RASSF3: variants seen among roughly 807,000 people sequenced by gnomAD.
RASSF3 encodes Ras association domain family member 3.
A neutral mutation model predicts 19.9 loss-of-function variants in RASSF3; 19 were observed. That is an observed-to-expected ratio of 0.96 (90% CI 0.67 to 1.40). The LOEUF (loss-of-function observed/expected upper bound fraction) is 1.40. Ranked by LOEUF, RASSF3 falls within the 40% of genes most tolerant of loss-of-function variation. The pLI is 0.00. For synonymous variants in RASSF3, 110 were observed against 104.2 expected (o/e 1.06, Z -0.34); for missense variants, 306 against 289.8 (o/e 1.06, Z -0.41).
intron 1 of RASSF3, among the ~76,000 whole-genome samples, chr12:64,625,490 G>C (rs1046972854): frequency 6.7e-6 from 1 of 149,570 alleles, no homozygotes; most frequent in Non-Finnish European, 1.5e-5. Context: ...ATCTGCCTCT[G>C]ATCACGGGAT....
At chr12:64,615,822 C>T (rs1293598102) in intron 1 of RASSF3, among the ~76,000 whole-genome samples, 1 of 151,856 alleles carries the variant, frequency 6.6e-6, no homozygotes, top group Non-Finnish European at 1.5e-5. Context: ...TACAGGCTCC[C>T]GCCACAGTGC....
intron 2 of RASSF3, among the ~76,000 whole-genome samples, chr12:64,580,836 A>T (rs900124539): frequency 5.3e-5 from 8 of 152,172 alleles, no homozygotes; most frequent in South Asian, 2.1e-4. Flanking sequence ...TCCTATAAGG[A>T]TATCAATTGT....
chr12:64,634,778 A>C (rs972489846), intron 1 of RASSF3, among the ~76,000 whole-genome samples: 4 of 150,666 alleles, frequency 2.7e-5, no homozygotes, highest in African/African-American at 9.7e-5. Context: ...AAAAAAAAAA[A>C]AAAAAAAAAA....
chr12:64,524,448 C>G (rs1228994377), intron 1 of RASSF3, among the ~76,000 whole-genome samples: 1 of 151,968 alleles, frequency 6.6e-6, no homozygotes, highest in African/African-American at 2.4e-5. Context: ...AGTGGTGTTT[C>G]TAAAGTTCAA....
chr12:64,597,393 AATGTTGGG>A (rs754711862), intron 2 of RASSF3, among the ~76,000 whole-genome samples: 83 of 151,724 alleles, frequency 5.5e-4, no homozygotes, highest in Admixed American at 1.0e-3. Context: ...ACCCTCCCAA[AATGTTGGG>A]ATTACAGGCA....
At chr12:64,666,223 T>G (rs1228706186) in intron 1 of RASSF3, among the ~76,000 whole-genome samples, 2 of 152,216 alleles carry the variant, frequency 1.3e-5, no homozygotes, top group Non-Finnish European at 2.9e-5. Flanking sequence ...AAGTACTAAG[T>G]AAATAAGGTG....
chr12:64,650,996 G>T (rs1056856456), intron 1 of RASSF3, among the ~76,000 whole-genome samples: 1 of 152,134 alleles, frequency 6.6e-6, no homozygotes, highest in Non-Finnish European at 1.5e-5. Flanking sequence ...TTACAGGCTT[G>T]TAAAGTGGTT....
At chr12:64,528,397 C>T (rs565753544), upstream of RASSF3, among the ~76,000 whole-genome samples, 3 of 152,298 alleles carry the variant, frequency 2.0e-5, no homozygotes, top group South Asian at 2.1e-4. Context: ...ACTTCAGTTC[C>T]GGCAACTGAC....
intron 1 of RASSF3, among the ~76,000 whole-genome samples, chr12:64,667,627 C>G (rs1203571164): frequency 6.6e-6 from 1 of 152,224 alleles, no homozygotes; most frequent in African/African-American, 2.4e-5. Flanking sequence ...TCTTTCCCTG[C>G]CTGTGTCCTG....
intron 1 of RASSF3, among the ~76,000 whole-genome samples, chr12:64,522,347 C>G (rs923725292): frequency 2.0e-5 from 3 of 152,116 alleles, no homozygotes; most frequent in African/African-American, 7.2e-5. Context: ...CCAGCTCCTG[C>G]TGGGGGGATG....
chr12:64,581,102 T>A (rs1376410284), intron 2 of RASSF3, among the ~76,000 whole-genome samples: 1 of 149,868 alleles, frequency 6.7e-6, no homozygotes, highest in Non-Finnish European at 1.5e-5. Flanking sequence ...TGTTTAACAT[T>A]ACTGTGGTAA....
chr12:64,672,940 T>C (rs1872747596), intron 1 of RASSF3, among the ~76,000 whole-genome samples: 1 of 152,240 alleles, frequency 6.6e-6, no homozygotes, highest in Non-Finnish European at 1.5e-5. Flanking sequence ...TTCCTGCTGC[T>C]GGTGGAGCCG....
chr12:64,509,861 C>T (rs958051788), intron 1 of RASSF3, among the ~76,000 whole-genome samples: 5 of 151,862 alleles, frequency 3.3e-5, no homozygotes, highest in African/African-American at 1.2e-4. Context: ...CCAAGGCGGG[C>T]GGATCGCTTG....
At chr12:64,613,434 C>G (rs542410326) in intron 1 of RASSF3, among the ~76,000 whole-genome samples, 1 of 150,236 alleles carries the variant, frequency 6.7e-6, no homozygotes, top group South Asian at 2.1e-4. Flanking sequence ...CCGGAGAAAA[C>G]AAGATGTTTG....
chr12:64,531,793 G>T (rs903886138), upstream of RASSF3, among the ~76,000 whole-genome samples: 1 of 152,144 alleles, frequency 6.6e-6, no homozygotes, highest in African/African-American at 2.4e-5. Flanking sequence ...TTCTAGGAAC[G>T]CCCCTTTGTT....
At chr12:64,521,659 C>T (rs184219673) in intron 1 of RASSF3, among the ~76,000 whole-genome samples, 12 of 152,214 alleles carry the variant, frequency 7.9e-5, no homozygotes, top group African/African-American at 2.4e-4. Flanking sequence ...GCGTCTATGT[C>T]GCTGTTTTCC....
intron 1 of RASSF3, among the ~76,000 whole-genome samples, chr12:64,622,764 C>T (rs191559010): frequency 5.3e-5 from 8 of 151,672 alleles, no homozygotes; most frequent in Admixed American, 4.6e-4. Flanking sequence ...AGATTATGAG[C>T]CCTCCTTAAT....
chr12:64,607,604 A>G (rs1870216725), upstream of RASSF3, among the ~76,000 whole-genome samples: 2 of 151,360 alleles, frequency 1.3e-5, no homozygotes, highest in Admixed American at 6.6e-5. Flanking sequence ...TGAACTCCTG[A>G]CCTCAAGTGA....
intron 2 of RASSF3, among the ~76,000 whole-genome samples, chr12:64,560,168 C>A (rs575945294): frequency 6.6e-6 from 1 of 152,338 alleles, no homozygotes; most frequent in Admixed American, 6.5e-5. Context: ...CATTCAGATG[C>A]CCCCATCCCA....
Sources: gnomAD v4.1 joint callset for allele counts (sites outside exome capture counted in the v4.1 genomes callset) on GRCh38, gnomAD v4.1.1 for gene constraint, MANE v1.5 for transcripts, NCBI Gene and HGNC (gene_info 2026-07-23, HGNC 2026-07-21) for gene names.